Variants in RGS13 observed in about 807,000 individuals in gnomAD.
The protein encoded by RGS13 is regulator of G-protein signalling 13.
A neutral mutation model predicts 19.9 loss-of-function variants in RGS13; 14 were observed. The ratio of observed to expected loss-of-function variants is 0.70; its 90% confidence interval spans 0.46 to 1.10. The LOEUF is 1.10. Ranked by LOEUF, RGS13 falls within the 50% of genes least tolerant of loss-of-function variation. The probability of loss-of-function intolerance (pLI) is 0.00; values close to 1 mark genes in which losing one functional copy is unlikely to be tolerated. For synonymous variants in RGS13, 60 were observed against 56.8 expected (o/e 1.06, Z -0.25); for missense variants, 205 against 187.1 (o/e 1.10, Z -0.56).
chr1:192,641,089 A>G (rs918531096), intron 3 of RGS13, among the ~76,000 whole-genome samples: 3 of 151,686 alleles, frequency 2.0e-5, no homozygotes, highest in South Asian at 2.1e-4. Context: ...GCTTTCAAGG[A>G]AGAAAGAGAA....
intron 5 of RGS13, among the ~76,000 whole-genome samples, chr1:192,648,987 A>G (rs1027179280): frequency 5.3e-5 from 8 of 152,114 alleles, no homozygotes; most frequent in African/African-American, 1.9e-4. Flanking sequence ...TAATGGCAGT[A>G]GGTGTAGACA....
intron 3 of RGS13, among the ~76,000 whole-genome samples, chr1:192,641,261 A>AG: frequency 9.4e-6 from 1 of 106,152 alleles, no homozygotes; most frequent in South Asian, 3.5e-4. Context: ...AAGAAAAGAA[A>AG]GAAAGAAAGA....
chr1:192,641,280 AAG>A (rs1239401957), intron 3 of RGS13, among the ~76,000 whole-genome samples: 9 of 118,036 alleles, frequency 7.6e-5, no homozygotes, highest in South Asian at 3.0e-4. Context: ...GAAAGAAAGA[AAG>A]AAAGAAAGAA....
At chr1:192,641,077 C>G (rs1489456580) in intron 3 of RGS13, among the ~76,000 whole-genome samples, 1 of 144,850 alleles carries the variant, frequency 6.9e-6, no homozygotes, top group East Asian at 2.0e-4. Flanking sequence ...TTTCTATCAA[C>G]AGCTTTCAAG....
At chr1:192,641,349 AAG>A (rs763600403) in intron 3 of RGS13, among the ~76,000 whole-genome samples, 13 of 150,886 alleles carry the variant, frequency 8.6e-5, no homozygotes, top group South Asian at 4.2e-4. Context: ...GAGAGAAAGA[AAG>A]AGAGAGAGAG....
At chr1:192,656,487 A>G (rs1663442593) in intron 5 of RGS13, among the ~76,000 whole-genome samples, 1 of 152,044 alleles carries the variant, frequency 6.6e-6, no homozygotes, top group South Asian at 2.1e-4. Context: ...GACAAGACAC[A>G]ACTTAGAGTC....
chr1:192,645,668 G>C (rs903092605), intron 4 of RGS13: 1 of 151,980 alleles, frequency 6.6e-6, no homozygotes, highest in Non-Finnish European at 1.5e-5. Context: ...CTTGTATCAG[G>C]AAAAAAGGTA....
intron 5 of RGS13, among the ~76,000 whole-genome samples, chr1:192,651,379 A>G (rs577613444): frequency 2.0e-5 from 3 of 152,252 alleles, no homozygotes; most frequent in Non-Finnish European, 4.4e-5. Flanking sequence ...AATCACTGAC[A>G]TAAGTTTTGC....
intron 5 of RGS13, among the ~76,000 whole-genome samples, chr1:192,648,686 G>C (rs1452414470): frequency 6.6e-6 from 1 of 152,012 alleles, no homozygotes; most frequent in Non-Finnish European, 1.5e-5. Context: ...TTTTTAAATG[G>C]AGTTGGTTCC....
At chr1:192,640,829 C>T (rs1462363694) in intron 3 of RGS13, among the ~76,000 whole-genome samples, 1 of 152,092 alleles carries the variant, frequency 6.6e-6, no homozygotes, top group Non-Finnish European at 1.5e-5. Context: ...TTCACTTCTC[C>T]AATGTCTTAA....
chr1:192,645,664 T>C (rs1370238066), intron 4 of RGS13: 3 of 152,058 alleles, frequency 2.0e-5, no homozygotes, highest in Non-Finnish European at 4.4e-5. Context: ...AGAACTTGTA[T>C]CAGGAAAAAA....
intron 3 of RGS13, among the ~76,000 whole-genome samples, chr1:192,641,272 AAG>A (rs1663112840): frequency 1.7e-5 from 2 of 114,446 alleles, no homozygotes; most frequent in East Asian, 4.5e-4. Context: ...GAAAGAAAGA[AAG>A]AAAGAAAGAA....
At chr1:192,655,376 G>T (rs530251953) in intron 5 of RGS13, among the ~76,000 whole-genome samples, 1 of 152,174 alleles carries the variant, frequency 6.6e-6, no homozygotes, top group East Asian at 1.9e-4. Flanking sequence ...ATTAATAAAG[G>T]TTCACTTCTT....
intron 5 of RGS13, among the ~76,000 whole-genome samples, chr1:192,650,916 T>C (rs75024745): frequency 3.0e-3 from 460 of 152,130 alleles, no homozygotes; most frequent in African/African-American, 0.011. Context: ...AGAGACTAGC[T>C]AGAAGGCTGC....
At chr1:192,656,446 C>A (rs533634197) in intron 5 of RGS13, among the ~76,000 whole-genome samples, 22 of 151,686 alleles carry the variant, frequency 1.5e-4, no homozygotes, top group African/African-American at 5.3e-4. Context: ...CATCTGTGTT[C>A]TCTGTTCCAA....
At chr1:192,639,375 C>T (rs1416214603) in intron 3 of RGS13, among the ~76,000 whole-genome samples, 2 of 152,030 alleles carry the variant, frequency 1.3e-5, no homozygotes, top group African/African-American at 2.4e-5. Flanking sequence ...GTGATACACA[C>T]ACCCAGATGT....
intron 5 of RGS13, among the ~76,000 whole-genome samples, chr1:192,657,542 G>A (rs538449059): frequency 8.5e-5 from 13 of 152,162 alleles, no homozygotes; most frequent in African/African-American, 2.9e-4. Flanking sequence ...TGATGGTTAC[G>A]CTGCACATAA....
At chr1:192,653,647 A>G (rs978007969) in intron 5 of RGS13, among the ~76,000 whole-genome samples, 3 of 152,068 alleles carry the variant, frequency 2.0e-5, no homozygotes, top group African/African-American at 7.2e-5. Context: ...TAAAAATGAA[A>G]AAGAGAAAGT....
At chr1:192,644,566 C>A in intron 4 of RGS13, 167 bp downstream of exon 4, 1 of 554,992 alleles carries the variant, frequency 1.8e-6, no homozygotes, top group South Asian at 2.9e-5. Flanking sequence ...TACTAAGATT[C>A]TTGTTTTCAT....
Sources: gnomAD v4.1 joint callset for allele counts (sites outside exome capture counted in the v4.1 genomes callset) on GRCh38, gnomAD v4.1.1 for gene constraint, MANE v1.5 for transcripts, NCBI Gene and HGNC (gene_info 2026-07-23, HGNC 2026-07-21) for gene names.